TENM2: variants seen among roughly 807,000 people sequenced by gnomAD.
TENM2 encodes teneurin-2.
In TENM2, 52 loss-of-function variants were observed where a neutral mutation model predicts 245.2. The ratio of observed to expected loss-of-function variants is 0.21; its 90% CI spans 0.17 to 0.27. The LOEUF is 0.27. Ranked by LOEUF, TENM2 falls within the 10% of genes least tolerant of loss-of-function variation. The pLI, the probability that TENM2 is intolerant of heterozygous loss-of-function variation, is 1.00. For synonymous variants in TENM2, 1,363 were observed against 1,438.9 expected (o/e 0.95, Z 1.19); for missense variants, 3,046 against 3,666.8 (o/e 0.83, Z 4.37).
chr5:166,988,883 G>C, the TENM2 span, among the ~76,000 whole-genome samples: 2 of 152,148 alleles, frequency 1.3e-5, no homozygotes, highest in African/African-American at 4.8e-5. Flanking sequence ...CCAAGCTGGT[G>C]CATCCACTGG....
Position 167,449,509 on chromosome 5 carries a change from CAGATAGATAGATAGATAGAT to C in TENM2, c.502+74078_502+74097del, listed in dbSNP as rs60756285. On this transcript the variant is annotated intron_variant, in intron 2 of 28. Coordinates refer to ENST00000518659, the Ensembl canonical transcript of TENM2. ...AGAGTGTGCATACCCTAAAGATATG[CAGATAGATAGATAGATAGAT>C]AGATAGATAGATAGATAGATAGATA... 9.2e-3 allele frequency among the ~76,000 whole-genome samples: 1,321 copies of C among 144,054 alleles called. 16 individuals are homozygous for C. Among genetic ancestry groups the C allele is most frequent in the African/African-American group, 0.027 (1,057 of 39,012 alleles). The allele number at this position is 144,054 out of a possible 152,430, so 94.5% of individuals were successfully genotyped here. A position where few individuals can be genotyped will look rare whatever the true frequency, so the allele number is the denominator to read the frequency against.
chr5:167,217,713 G>GATAT, the TENM2 span, among the ~76,000 whole-genome samples: 5,465 of 141,120 alleles, frequency 0.039, 197 homozygotes, highest in African/African-American at 0.096. Flanking sequence ...TGTAATGAGT[G>GATAT]ATATATATAT....
chr5:168,050,328 G>T (rs756784964), intron 6 of TENM2, among the ~76,000 whole-genome samples: 1 of 152,062 alleles, frequency 6.6e-6, no homozygotes, highest in Non-Finnish European at 1.5e-5. Context: ...AGTGACCTTG[G>T]GTTTGAATTT....
chr5:167,475,082 T>C (rs1017279653), intron 2 of TENM2, among the ~76,000 whole-genome samples: 1 of 152,206 alleles, frequency 6.6e-6, no homozygotes, highest in African/African-American at 2.4e-5. Context: ...AACACAAATA[T>C]ATGCAATATT....
the TENM2 span, among the ~76,000 whole-genome samples, chr5:166,990,963 G>C: frequency 6.6e-6 from 1 of 152,080 alleles, no homozygotes; most frequent in East Asian, 1.9e-4. Flanking sequence ...GAGTGTGACA[G>C]TTGGATTGGG....
the TENM2 span, among the ~76,000 whole-genome samples, chr5:167,186,388 A>C: frequency 6.6e-6 from 1 of 152,288 alleles, no homozygotes; most frequent in Non-Finnish European, 1.5e-5. Context: ...ACTGGAAAAG[A>C]GGTAAAGGAA....
rs568989884 is a variant in TENM2 at position 168,198,127 on chromosome 5, T to C, written c.2901-726T>C. On this transcript the variant is annotated intron_variant, in intron 15 of 28. Transcript: ENST00000518659. ...CACCAACAACTCAGCTCTGCCATTA[T>C]AGCAGGGAAGCAGCCTAAAAGATAC... 5.9e-5 allele frequency among the ~76,000 whole-genome samples: 9 copies of C among 151,470 alleles called. No homozygotes were observed. In the South Asian group the frequency reaches 1.9e-3, roughly 32 times the overall value.
At chr5:168,162,541 G>T in intron 12 of TENM2, 70 bp from the exon 15 acceptor site, 1 of 1,553,082 alleles carries the variant, frequency 6.4e-7, no homozygotes, top group Non-Finnish European at 8.8e-7. Flanking sequence ...GCTCCCCTCT[G>T]CATGGCTCCC....
At chr5:167,445,514 A>G (rs1454900334) in intron 2 of TENM2, among the ~76,000 whole-genome samples, 1 of 152,094 alleles carries the variant, frequency 6.6e-6, no homozygotes, top group Non-Finnish European at 1.5e-5. Flanking sequence ...ATCCAATGCA[A>G]AGTTATAGAC....
At chr5:167,162,002 C>A in the TENM2 span, among the ~76,000 whole-genome samples, 1,100 of 151,764 alleles carry the variant, frequency 7.2e-3, 15 homozygotes, top group African/African-American at 0.026. Flanking sequence ...CCTGTCTCTA[C>A]TAAAAATACA....
At chr5:167,708,565 A>G (rs1249889837) in intron 2 of TENM2, among the ~76,000 whole-genome samples, 1 of 152,144 alleles carries the variant, frequency 6.6e-6, no homozygotes, top group African/African-American at 2.4e-5. Context: ...TCCACATGTG[A>G]GTCCCAGTTC....
the TENM2 span, among the ~76,000 whole-genome samples, chr5:167,166,718 G>T: frequency 1.3e-5 from 2 of 151,814 alleles, no homozygotes; most frequent in African/African-American, 4.8e-5. Context: ...TTAATATCTG[G>T]CATCCATTAT....
At chr5:168,144,243 A>G (rs1356488818) in intron 12 of TENM2, among the ~76,000 whole-genome samples, 1 of 151,836 alleles carries the variant, frequency 6.6e-6, no homozygotes, top group African/African-American at 2.4e-5. Flanking sequence ...GGTTAGTTAC[A>G]TATGTATACA....
chr5:167,945,321 C>CG (rs148552714), intron 3 of TENM2, among the ~76,000 whole-genome samples: 13,663 of 151,196 alleles, frequency 0.09, 814 homozygotes, highest in African/African-American at 0.17. Context: ...ATCAAGCACC[C>CG]GGGGGGGGCA....
intron 2 of TENM2, among the ~76,000 whole-genome samples, chr5:167,387,212 G>C (rs1761485975): frequency 6.6e-6 from 1 of 151,952 alleles, no homozygotes; most frequent in East Asian, 1.9e-4. Context: ...TCCTTGTAGA[G>C]GTCTTTCACC....
intron 2 of TENM2, among the ~76,000 whole-genome samples, chr5:167,393,620 G>A (rs916763143): frequency 6.6e-6 from 1 of 152,168 alleles, no homozygotes; most frequent in African/African-American, 2.4e-5. Flanking sequence ...CATAGAGGGT[G>A]TCACAGATTA....
chr5:168,020,477 G>A (rs1159969600), intron 5 of TENM2, among the ~76,000 whole-genome samples: 1 of 152,150 alleles, frequency 6.6e-6, no homozygotes, highest in Non-Finnish European at 1.5e-5. Flanking sequence ...ACTTCACCTG[G>A]TTATGATTGT....
intron 3 of TENM2, among the ~76,000 whole-genome samples, chr5:167,895,918 T>C (rs1463826736): frequency 1.3e-5 from 2 of 152,258 alleles, no homozygotes; most frequent in African/African-American, 4.8e-5. Flanking sequence ...AAATGTTTAT[T>C]GAGCATCTAC....
At chr5:167,543,180 G>A (rs984252309) in intron 2 of TENM2, among the ~76,000 whole-genome samples, 1 of 152,078 alleles carries the variant, frequency 6.6e-6, no homozygotes, top group Admixed American at 6.5e-5. Context: ...GCATCGGAGG[G>A]GGTGGTACTC....
Sources: gnomAD v4.1 joint callset for allele counts (sites outside exome capture counted in the v4.1 genomes callset) on GRCh38, gnomAD v4.1.1 for gene constraint, MANE v1.5 for transcripts, NCBI Gene and HGNC (gene_info 2026-07-23, HGNC 2026-07-21) for gene names.